Variants in TMBIM1 observed in about 807,000 individuals in gnomAD.
TMBIM1 encodes the protein protein lifeguard 3.
Under a neutral mutation model 45.1 loss-of-function variants are expected in TMBIM1, and 34 were observed. That is an observed-to-expected ratio of 0.75 (90% CI 0.57 to 1.00). The LOEUF is 1.00. Ranked by LOEUF, TMBIM1 falls within the 50% of genes least tolerant of loss-of-function variation. The probability of loss-of-function intolerance (pLI) is 0.00; values close to 1 mark genes in which losing one functional copy is unlikely to be tolerated. For synonymous variants in TMBIM1, 157 were observed against 153.5 expected, an observed-to-expected ratio of 1.02 and a Z score of -0.17; for missense variants, 374 against 402.4, an observed-to-expected ratio of 0.93 and a Z score of 0.60.
At chr2:218,276,328 G>A (rs1164202842) in intron 10 of TMBIM1, among the ~76,000 whole-genome samples, 1 of 152,190 alleles carries the variant, frequency 6.6e-6, no homozygotes, top group Non-Finnish European at 1.5e-5. Flanking sequence ...GTACACAAGT[G>A]TCTACTATAC....
intron 1 of TMBIM1, among the ~76,000 whole-genome samples, chr2:218,282,510 G>A (rs947435492): frequency 2.6e-5 from 4 of 152,246 alleles, no homozygotes; most frequent in Non-Finnish European, 5.9e-5. Flanking sequence ...AAACCTTCCA[G>A]TTTTGGTGGC....
chr2:218,277,220 C>A (rs1228350049), intron 9 of TMBIM1, 121 bp from the exon 10 acceptor site: 4 of 1,162,792 alleles, frequency 3.4e-6, no homozygotes, highest in African/African-American at 1.5e-5. Flanking sequence ...CCACAACATT[C>A]TAAGGACAGA....
intron 1 of TMBIM1, among the ~76,000 whole-genome samples, chr2:218,284,928 A>G (rs913019656): frequency 2.0e-5 from 3 of 152,164 alleles, no homozygotes; most frequent in Non-Finnish European, 4.4e-5. Context: ...CGTCTCTACT[A>G]AAAATATAAA....
intron 1 of TMBIM1, 31 bp from the exon 2 acceptor site, chr2:218,282,212 A>C: frequency 1.6e-6 from 2 of 1,281,192 alleles, no homozygotes; most frequent in Non-Finnish European, 2.1e-6. Flanking sequence ...AGCAATCGTG[A>C]ATGCCCAGGC....
At position 218,276,092 on chromosome 2, in the gene TMBIM1, G is replaced by A; in HGVS notation, c.736-13C>T. 1 of 1,612,210 alleles carries A rather than the reference G, an allele frequency of 6.2e-7. No individual in the cohort carries two copies. The highest frequency in any genetic ancestry group is 8.5e-7 in the Non-Finnish European group (1 of 1,179,282). ...GGAGCCAGTAAACCTGGAGAAGAAG[G>A]GGACAGAGAATGGCATTAGAAACCT... On this transcript the variant is annotated splice_polypyrimidine_tract_variant and intron_variant, in intron 10 of 11. Coordinates refer to ENST00000258412, the MANE Select transcript of TMBIM1 (RefSeq NM_022152.6).
intron 1 of TMBIM1, 84 bp from the exon 2 acceptor site, chr2:218,282,265 G>A (rs11888211): frequency 0.058 from 46,730 of 800,894 alleles, 5,314 homozygotes; most frequent in African/African-American, 0.41. Flanking sequence ...GCCTTGTCCA[G>A]GCTGCCTCCG....
chr2:218,278,606 T>G (rs1484089959), intron 5 of TMBIM1, 41 bp from the exon 6 acceptor site: 1 of 1,610,670 alleles, frequency 6.2e-7, no homozygotes, highest in African/African-American at 1.3e-5. Context: ...GGCCCAAATC[T>G]GCCCCGCTTG....
chr2:218,285,541 A>G (rs1349894924), intron 1 of TMBIM1, among the ~76,000 whole-genome samples: 1 of 152,116 alleles, frequency 6.6e-6, no homozygotes, highest in East Asian at 1.9e-4. Flanking sequence ...CCAGGCTTGG[A>G]GATACATAAA....
At chr2:218,289,727 G>T (rs901160006) in intron 1 of TMBIM1, among the ~76,000 whole-genome samples, 2 of 151,448 alleles carry the variant, frequency 1.3e-5, no homozygotes, top group Admixed American at 1.3e-4. Context: ...GAATGGCATG[G>T]CTCCCCAAGA....
chr2:218,281,136 T>TTTTGTTTTGTTTTGG (rs1222593105), intron 2 of TMBIM1: 2 of 125,500 alleles, frequency 1.6e-5, no homozygotes, highest in African/African-American at 5.8e-5. Flanking sequence ...TTTGTTTTTT[T>TTTTGTTTTGTTTTGG]TTTGGTTTTT....
intron 2 of TMBIM1, 36 bp downstream of exon 2, chr2:218,281,904 T>A: frequency 6.5e-7 from 1 of 1,535,708 alleles, no homozygotes; most frequent in Non-Finnish European, 8.8e-7. Flanking sequence ...GTGCTGTCCC[T>A]CCCACCCACC....
chr2:218,285,194 C>A (rs1192201011), intron 1 of TMBIM1, among the ~76,000 whole-genome samples: 2 of 152,200 alleles, frequency 1.3e-5, no homozygotes, highest in African/African-American at 4.8e-5. Flanking sequence ...TTACAACAGT[C>A]CAGCAAGTTA....
intron 5 of TMBIM1, 128 bp from the exon 6 acceptor site, chr2:218,278,693 C>T: frequency 9.8e-7 from 1 of 1,018,284 alleles, no homozygotes; most frequent in South Asian, 1.4e-5. Context: ...CAACAGGAAG[C>T]AAGAACGAGA....
rs931486742 is a variant in TMBIM1 at position 218,282,157 on chromosome 2, G to A, written c.-16C>T. On this transcript the variant is annotated 5_prime_UTR_variant, in exon 2 of 12. Transcript: ENST00000258412. ...GGTTGGACATGGCTGCTCACGGGCT[G>A]AGGGGGAACCCCAGCTGCTGGGACC... The A allele has an allele frequency of 6.8e-7, 1 of 1,468,274 alleles. No individual in the cohort carries two copies. Among genetic ancestry groups the A allele is most frequent in the Non-Finnish European group, 9.0e-7 (1 of 1,111,022 alleles). 91.0% of individuals were successfully genotyped at this position (1,468,274 alleles called of 1,614,324 possible). A position where few individuals can be genotyped will look rare whatever the true frequency, so the allele number is the denominator to read the frequency against.
chr2:218,279,969 C>A, intron 3 of TMBIM1, 57 bp downstream of exon 3: 1 of 1,339,648 alleles, frequency 7.5e-7, no homozygotes, highest in Non-Finnish European at 1.1e-6. Context: ...CTACCCACTT[C>A]CCATTCCCAC....
chr2:218,277,496 G>A (rs747072009), intron 8 of TMBIM1, 43 bp from the exon 9 acceptor site: 17 of 1,609,080 alleles, frequency 1.1e-5, no homozygotes, highest in African/African-American at 5.3e-5. Flanking sequence ...ATTAAGCCAC[G>A]TATGAATGAC....
intron 10 of TMBIM1, among the ~76,000 whole-genome samples, chr2:218,276,536 G>C (rs938440424): frequency 6.6e-6 from 1 of 152,136 alleles, no homozygotes; most frequent in Non-Finnish European, 1.5e-5. Context: ...GTCCACAGAA[G>C]GACAGAGCTG....
chr2:218,287,687 G>A (rs536256843), intron 1 of TMBIM1, among the ~76,000 whole-genome samples: 4 of 152,082 alleles, frequency 2.6e-5, no homozygotes, highest in African/African-American at 9.7e-5. Flanking sequence ...TCCAGCCTGG[G>A]CAACAAGAGT....
intron 1 of TMBIM1, among the ~76,000 whole-genome samples, chr2:218,290,302 G>C (rs1480708172): frequency 6.6e-6 from 1 of 152,178 alleles, no homozygotes; most frequent in Non-Finnish European, 1.5e-5. Flanking sequence ...ACTCCCTTAA[G>C]CCTGAGCCAC....
Sources: gnomAD v4.1 joint callset for allele counts (sites outside exome capture counted in the v4.1 genomes callset) on GRCh38, gnomAD v4.1.1 for gene constraint, MANE v1.5 for transcripts, NCBI Gene and HGNC (gene_info 2026-07-23, HGNC 2026-07-21) for gene names.